MYO1D: variants seen among roughly 807,000 people sequenced by gnomAD.
The protein encoded by MYO1D is unconventional myosin-Id.
MYO1D carries 83 observed loss-of-function variants against 122.0 expected under a neutral mutation model. The observed-to-expected ratio is 0.68, with a 90% CI of 0.57 to 0.82. MYO1D has a LOEUF of 0.82. MYO1D is among the 40% of genes least tolerant of loss of function. The pLI is 0.00. For synonymous variants in MYO1D, 464 were observed against 446.9 expected (o/e 1.04, Z -0.48); for missense variants, 1,157 against 1,269.5 (o/e 0.91, Z 1.35).
chr17:32,649,342 C>T, intron 19 of MYO1D, among the ~76,000 whole-genome samples: 1 of 152,106 alleles, frequency 6.6e-6, no homozygotes. Context: ...ACCCATTAAA[C>T]AATAACTCCC....
At chr17:32,638,659 C>G (rs2088142093) in intron 20 of MYO1D, 63 bp downstream of exon 20, 8 of 1,099,990 alleles carry the variant, frequency 7.3e-6, no homozygotes, top group South Asian at 4.1e-5. Context: ...TCTATTGACC[C>G]ATTAGTGGTC....
At chr17:32,739,038 A>C (rs1178705505) in intron 13 of MYO1D, among the ~76,000 whole-genome samples, 1 of 152,190 alleles carries the variant, frequency 6.6e-6, no homozygotes, top group Non-Finnish European at 1.5e-5. Context: ...ATTTCAGGCC[A>C]ATTTTCAGGT....
intron 2 of MYO1D, among the ~76,000 whole-genome samples, chr17:32,779,979 T>A (rs192161346): frequency 6.6e-6 from 1 of 152,174 alleles, no homozygotes; most frequent in Non-Finnish European, 1.5e-5. Context: ...AACAGATATT[T>A]TTCCTGTCCC....
At chr17:32,589,101 T>C (rs1436316345) in intron 21 of MYO1D, among the ~76,000 whole-genome samples, 1 of 152,226 alleles carries the variant, frequency 6.6e-6, no homozygotes, top group South Asian at 2.1e-4. Flanking sequence ...AACTGCATAT[T>C]TGTGAACTGG....
chr17:32,801,536 A>G (rs1744572624), intron 1 of MYO1D, among the ~76,000 whole-genome samples: 1 of 152,196 alleles, frequency 6.6e-6, no homozygotes, highest in African/African-American at 2.4e-5. Flanking sequence ...AAATAAGTAT[A>G]TATGTTGAGG....
chr17:32,566,132 A>G (rs1200464593), intron 21 of MYO1D, among the ~76,000 whole-genome samples: 1 of 152,058 alleles, frequency 6.6e-6, no homozygotes, highest in Non-Finnish European at 1.5e-5. Context: ...CTAGACGGGG[A>G]GGTAGACACA....
At chr17:32,591,664 CA>C (rs112581480) in intron 21 of MYO1D, among the ~76,000 whole-genome samples, 8,077 of 145,064 alleles carry the variant, frequency 0.056, 688 homozygotes, top group African/African-American at 0.19. Context: ...GTGATTTCAT[CA>C]AAAAAAAAAA....
chr17:32,794,833 T>C (rs989644891), intron 1 of MYO1D, among the ~76,000 whole-genome samples: 1 of 152,128 alleles, frequency 6.6e-6, no homozygotes, highest in African/African-American at 2.4e-5. Flanking sequence ...TTGATCACAT[T>C]TGCTTTTTTG....
At chr17:32,599,508 A>G (rs1384367828) in intron 21 of MYO1D, among the ~76,000 whole-genome samples, 5 of 152,158 alleles carry the variant, frequency 3.3e-5, no homozygotes, top group Non-Finnish European at 5.9e-5. Context: ...TAGTGTTAAT[A>G]TTTTGACCTC....
intron 1 of MYO1D, among the ~76,000 whole-genome samples, chr17:32,842,348 C>T (rs1018256295): frequency 3.9e-5 from 6 of 152,014 alleles, no homozygotes; most frequent in Admixed American, 3.9e-4. Context: ...GCAAGGTTTC[C>T]GAGACAGTTA....
intron 20 of MYO1D, among the ~76,000 whole-genome samples, chr17:32,611,178 G>A (rs547314054): frequency 1.3e-5 from 2 of 152,278 alleles, no homozygotes; most frequent in Admixed American, 6.5e-5. Flanking sequence ...TGGAATGAGC[G>A]CTAGAGAGCA....
At chr17:32,543,740 G>C (rs1303075667) in intron 21 of MYO1D, among the ~76,000 whole-genome samples, 1 of 152,090 alleles carries the variant, frequency 6.6e-6, no homozygotes, top group African/African-American at 2.4e-5. Context: ...GCCCTAAGAG[G>C]TGGCATGCTA....
intron 12 of MYO1D, chr17:32,745,493 T>C: frequency 1.2e-5 from 5 of 427,292 alleles, no homozygotes; most frequent in Non-Finnish European, 2.1e-5. Context: ...ATGATTAAGA[T>C]GATAATTCCC....
chr17:32,536,993 G>A (rs1910683949), intron 21 of MYO1D, among the ~76,000 whole-genome samples: 1 of 152,180 alleles, frequency 6.6e-6, no homozygotes, highest in South Asian at 2.1e-4. Flanking sequence ...TGTGTGGTTG[G>A]ATGAAAGACG....
chr17:32,814,960 A>T (rs1031481314), intron 1 of MYO1D, among the ~76,000 whole-genome samples: 1 of 152,234 alleles, frequency 6.6e-6, no homozygotes, highest in African/African-American at 2.4e-5. Context: ...CAGAGAATGG[A>T]GAATCACTTG....
intron 21 of MYO1D, among the ~76,000 whole-genome samples, chr17:32,590,725 T>C (rs2087431762): frequency 6.6e-6 from 1 of 152,222 alleles, no homozygotes; most frequent in Non-Finnish European, 1.5e-5. Flanking sequence ...TAAGAGAGCT[T>C]TTTAAAAATT....
chr17:32,524,666 G>A (rs566733714), intron 21 of MYO1D, among the ~76,000 whole-genome samples: 10 of 151,116 alleles, frequency 6.6e-5, no homozygotes, highest in Non-Finnish European at 1.2e-4. Flanking sequence ...GGGTTCAAGC[G>A]ATTCTCCTGC....
intron 1 of MYO1D, among the ~76,000 whole-genome samples, chr17:32,782,934 T>TAAAAAAAAAAAAAATCCTA (rs5819996): frequency 0.035 from 5,088 of 147,032 alleles, 277 homozygotes; most frequent in African/African-American, 0.12. Context: ...GACTCCATCT[T>TAAAAAAAAAAAAAATCCTA]AAAAAAAAAA....
At chr17:32,790,334 G>T (rs1178334897) in intron 1 of MYO1D, among the ~76,000 whole-genome samples, 1 of 152,084 alleles carries the variant, frequency 6.6e-6, no homozygotes. Context: ...TCTGATTACT[G>T]TGTGCACTGG....
Sources: allele counts gnomAD v4.1 joint callset (sites outside exome capture counted in the v4.1 genomes callset), GRCh38; gene constraint gnomAD v4.1.1; transcripts MANE v1.5; gene names NCBI Gene and HGNC (gene_info 2026-07-23, HGNC 2026-07-21).